Variants in MIR2052HG observed in about 807,000 individuals in gnomAD.
The protein encoded by MIR2052HG is MIR2052 host gene.
chr8:74,720,049 A>G (rs1392583669), intron 4 of MIR2052HG, among the ~76,000 whole-genome samples: 2 of 151,508 alleles, frequency 1.3e-5, no homozygotes, highest in Admixed American at 6.6e-5. Context: ...ACGGGGTTTC[A>G]CCATGTTGGC....
chr8:74,717,778 A>C (rs1449146598), intron 4 of MIR2052HG, among the ~76,000 whole-genome samples: 3 of 152,054 alleles, frequency 2.0e-5, no homozygotes, highest in Non-Finnish European at 4.4e-5. Context: ...ACTGCACTCT[A>C]GTCTGGGTGG....
intron 2 of MIR2052HG, among the ~76,000 whole-genome samples, chr8:74,649,954 A>T (rs1323480090): frequency 6.6e-6 from 1 of 152,002 alleles, no homozygotes; most frequent in Non-Finnish European, 1.5e-5. Flanking sequence ...CCTTCTACTG[A>T]GTGTGTATAT....
chr8:74,720,097 C>T (rs1809560693), intron 4 of MIR2052HG, among the ~76,000 whole-genome samples: 1 of 152,144 alleles, frequency 6.6e-6, no homozygotes, highest in South Asian at 2.1e-4. Context: ...TGATCCCCCG[C>T]CTCGGCCTCC....
At chr8:74,734,817 G>T (rs185664680) in intron 4 of MIR2052HG, among the ~76,000 whole-genome samples, 1 of 152,336 alleles carries the variant, frequency 6.6e-6, no homozygotes, top group Non-Finnish European at 1.5e-5. Flanking sequence ...TGTGGTTTCA[G>T]AGGGGATCCA....
chr8:74,643,383 T>C (rs1343028190), intron 2 of MIR2052HG, among the ~76,000 whole-genome samples: 5 of 152,130 alleles, frequency 3.3e-5, no homozygotes, highest in African/African-American at 7.2e-5. Flanking sequence ...ACCAGAAATT[T>C]GAAAGAATTA....
At chr8:74,674,909 T>C (rs1809034530) in intron 2 of MIR2052HG, among the ~76,000 whole-genome samples, 1 of 151,976 alleles carries the variant, frequency 6.6e-6, no homozygotes, top group Admixed American at 6.6e-5. Context: ...TTGGAACCTG[T>C]TAATCATTTG....
chr8:74,630,399 T>C (rs1044325689), intron 2 of MIR2052HG, among the ~76,000 whole-genome samples: 4 of 152,058 alleles, frequency 2.6e-5, no homozygotes, highest in Admixed American at 2.0e-4. Context: ...ATGTCCATTT[T>C]TCTGTCCAAG....
chr8:74,635,931 C>T (rs73687187), intron 2 of MIR2052HG, among the ~76,000 whole-genome samples: 2,195 of 152,194 alleles, frequency 0.014, 50 homozygotes, highest in African/African-American at 0.049. Flanking sequence ...AAAATAATGA[C>T]ATATTAAGTA....
intron 2 of MIR2052HG, among the ~76,000 whole-genome samples, chr8:74,693,436 G>A (rs1005182821): frequency 6.6e-6 from 1 of 152,080 alleles, no homozygotes; most frequent in Non-Finnish European, 1.5e-5. Context: ...ATCTAGGGGA[G>A]GGGGTGAAAG....
chr8:74,635,669 C>T lies in MIR2052HG; in HGVS notation n.216+22729C>T, dbSNP rs552438629. On this transcript the variant is annotated intron_variant and non_coding_transcript_variant, in intron 2 of 6. Transcript: ENST00000523442. ...TGCTTATCAATGTCAACACGTAATT[C>T]GTGGCTGGATTACGCAGCAGGATTT... 4.6e-4 allele frequency among the ~76,000 whole-genome samples: 70 copies of T among 152,238 alleles called. 1 individual carries two copies. In the South Asian group the frequency reaches 0.013, roughly 29 times the overall value.
intron 4 of MIR2052HG, among the ~76,000 whole-genome samples, chr8:74,751,437 A>G (rs1358674353): frequency 6.6e-6 from 1 of 152,182 alleles, no homozygotes; most frequent in Non-Finnish European, 1.5e-5. Context: ...TTGACTTTCA[A>G]AGTTAGATTC....
chr8:74,752,472 C>G (rs1809958010), exon 5 of MIR2052HG: 4 of 455,958 alleles, frequency 8.8e-6, no homozygotes, highest in Non-Finnish European at 1.8e-5. Flanking sequence ...CAGATCAACA[C>G]ATTCTCCAAA....
chr8:74,605,548 G>C (rs77169976), intron 1 of MIR2052HG, among the ~76,000 whole-genome samples: 10,029 of 152,262 alleles, frequency 0.066, 435 homozygotes, highest in South Asian at 0.12. Flanking sequence ...AGTAGTGTTA[G>C]TTGAGAAGAA....
intron 2 of MIR2052HG, among the ~76,000 whole-genome samples, chr8:74,641,452 G>A (rs1808637924): frequency 6.6e-6 from 1 of 151,804 alleles, no homozygotes. Flanking sequence ...ATTTGCTTTG[G>A]TTAAGAAAAA....
chr8:74,603,157 A>G, intron 1 of MIR2052HG: 1 of 728,182 alleles, frequency 1.4e-6, no homozygotes, highest in Non-Finnish European at 2.4e-6. Context: ...CGAGTGGATG[A>G]TAAAGTGTGT....
intron 4 of MIR2052HG, among the ~76,000 whole-genome samples, chr8:74,733,870 T>C (rs1486568422): frequency 1.3e-5 from 2 of 151,982 alleles, no homozygotes; most frequent in African/African-American, 4.8e-5. Context: ...TTTGGCTGCA[T>C]AAATGTCTTC....
At chr8:74,622,114 T>C (rs1320066228) in intron 2 of MIR2052HG, among the ~76,000 whole-genome samples, 1 of 152,136 alleles carries the variant, frequency 6.6e-6, no homozygotes, top group African/African-American at 2.4e-5. Context: ...AGTGAAGAGA[T>C]GACCTATGGA....
intron 1 of MIR2052HG, chr8:74,603,814 T>G: frequency 2.4e-6 from 2 of 837,584 alleles, no homozygotes; most frequent in Non-Finnish European, 4.3e-6. Context: ...AGTGATGGCC[T>G]GCTCAGTTGA....
At chr8:74,722,860 A>G (rs1809593185) in intron 4 of MIR2052HG, among the ~76,000 whole-genome samples, 1 of 152,242 alleles carries the variant, frequency 6.6e-6, no homozygotes, top group African/African-American at 2.4e-5. Context: ...CCAAGATTAC[A>G]CGGCTAGTAT....
Sources: gnomAD v4.1 joint callset for allele counts (sites outside exome capture counted in the v4.1 genomes callset) on GRCh38, gnomAD v4.1.1 for gene constraint, MANE v1.5 for transcripts, NCBI Gene and HGNC (gene_info 2026-07-23, HGNC 2026-07-21) for gene names.